Variants in SIPA1L3 observed in about 807,000 individuals in gnomAD.
The protein encoded by SIPA1L3 is signal induced proliferation associated 1 like 3.
In SIPA1L3, 59 loss-of-function variants were observed where a neutral mutation model predicts 150.1. The observed-to-expected ratio is 0.39, with a 90% CI of 0.32 to 0.49. The LOEUF (loss-of-function observed/expected upper bound fraction) is 0.49. SIPA1L3 is among the 20% of genes least tolerant of loss of function. The pLI is 0.86. For synonymous variants in SIPA1L3, 1,070 were observed against 1,077.6 expected, an observed-to-expected ratio of 0.99 and a Z score of 0.14; for missense variants, 2,211 against 2,489.5, an observed-to-expected ratio of 0.89 and a Z score of 2.38.
intron 21 of SIPA1L3, among the ~76,000 whole-genome samples, chr19:38,204,820 C>T (rs547728496): frequency 1.3e-5 from 2 of 152,078 alleles, no homozygotes; most frequent in Non-Finnish European, 2.9e-5. Flanking sequence ...GGAATTTATC[C>T]GTGACAGCAT....
chr19:38,106,570 T>C lies in SIPA1L3; in HGVS notation c.2063T>C (p.Met688Thr), dbSNP rs1458479210. 9.9e-6 allele frequency: 16 copies of C among 1,613,926 alleles called. No individual in the cohort carries two copies. Among genetic ancestry groups the C allele is most frequent in the Non-Finnish European group, 1.3e-5 (15 of 1,179,904 alleles). ...DSTGTHSLYT[M>T]YQDYEIMFHV... ...ACGGGAACCCACTCCCTCTACACGA[T>C]GTACCAGGACTACGAGATCATGTTC... Residue 688 changes from methionine (M) to threonine (T), a missense_variant, in exon 7 of 22, where the codon ATG (methionine) becomes ACG (threonine). Physicochemically the swap from Met to Thr is moderately conservative, Grantham distance 81. Coordinates refer to ENST00000222345, the MANE Select transcript of SIPA1L3 (RefSeq NM_015073.3).
intron 2 of SIPA1L3, among the ~76,000 whole-genome samples, chr19:38,049,133 A>C (rs1969128461): frequency 6.6e-6 from 1 of 151,672 alleles, no homozygotes; most frequent in South Asian, 2.1e-4. Flanking sequence ...GCTGCCAAAG[A>C]CTACTTGTCT....
intron 1 of SIPA1L3, among the ~76,000 whole-genome samples, chr19:37,981,365 A>G (rs1967196974): frequency 6.6e-6 from 1 of 150,974 alleles, no homozygotes; most frequent in Admixed American, 6.6e-5. Context: ...TCAAGGCTGC[A>G]GTGACCTATG....
At chr19:38,105,121 G>C (rs1047944674) in intron 6 of SIPA1L3, among the ~76,000 whole-genome samples, 1 of 151,948 alleles carries the variant, frequency 6.6e-6, no homozygotes, top group Non-Finnish European at 1.5e-5. Flanking sequence ...ACTTTGGGAG[G>C]CTGAGGCAGG....
intron 1 of SIPA1L3, among the ~76,000 whole-genome samples, chr19:38,007,652 G>A (rs899996071): frequency 5.3e-5 from 8 of 151,240 alleles, no homozygotes; most frequent in South Asian, 4.2e-4. Flanking sequence ...CTTAACTTAA[G>A]CATACCCTGT....
intron 1 of SIPA1L3, among the ~76,000 whole-genome samples, chr19:37,930,129 A>G (rs2046540617): frequency 6.7e-6 from 1 of 150,072 alleles, no homozygotes; most frequent in Non-Finnish European, 1.5e-5. Flanking sequence ...GGTTCAAGCG[A>G]TTCTCCTGCC....
chr19:37,971,017 A>C (rs936253004), intron 1 of SIPA1L3, among the ~76,000 whole-genome samples: 5 of 151,628 alleles, frequency 3.3e-5, no homozygotes, highest in African/African-American at 1.2e-4. Flanking sequence ...ATGTAAGAGG[A>C]GAGGTTATAC....
At chr19:38,028,779 A>G (rs958445843) in intron 1 of SIPA1L3, among the ~76,000 whole-genome samples, 2 of 140,846 alleles carry the variant, frequency 1.4e-5, no homozygotes, top group African/African-American at 5.4e-5. Context: ...TGCAACCTCC[A>G]CCTCCCGGGT....
At chr19:38,143,687 C>T (rs1246134146) in intron 12 of SIPA1L3, among the ~76,000 whole-genome samples, 5 of 151,740 alleles carry the variant, frequency 3.3e-5, no homozygotes, top group African/African-American at 1.2e-4. Context: ...TACAGGCTCT[C>T]GCCACCACGC....
chr19:38,174,715 TG>T (rs1972401981), intron 15 of SIPA1L3, among the ~76,000 whole-genome samples: 1 of 151,798 alleles, frequency 6.6e-6, no homozygotes, highest in African/African-American at 2.4e-5. Context: ...CCAGGTGTGG[TG>T]GCGGGTGCCA....
At chr19:37,924,414 CT>C (rs60960790) in intron 1 of SIPA1L3, among the ~76,000 whole-genome samples, 152 of 138,362 alleles carry the variant, frequency 1.1e-3, no homozygotes, top group Middle Eastern at 3.7e-3. Context: ...TGTTTTACAG[CT>C]TTTTTTTTTT....
intron 9 of SIPA1L3, 51 bp from the exon 10 acceptor site, chr19:38,130,447 A>G (rs1382614271): frequency 1.9e-6 from 3 of 1,562,498 alleles, no homozygotes; most frequent in Admixed American, 3.6e-5. Flanking sequence ...GGTCTTCCAG[A>G]GGAGCTGACC....
chr19:38,068,146 C>T (rs1019601686), intron 2 of SIPA1L3, among the ~76,000 whole-genome samples: 1 of 151,970 alleles, frequency 6.6e-6, no homozygotes. Context: ...CCTCAGCCTC[C>T]CGCGTAGCTG....
intron 2 of SIPA1L3, among the ~76,000 whole-genome samples, chr19:38,051,889 G>T (rs560435568): frequency 6.6e-6 from 1 of 152,154 alleles, no homozygotes; most frequent in African/African-American, 2.4e-5. Context: ...GAGCCACCAC[G>T]CCCCACTTGA....
chr19:38,139,471 C>T (rs745803642), intron 10 of SIPA1L3, among the ~76,000 whole-genome samples: 10 of 152,104 alleles, frequency 6.6e-5, no homozygotes, highest in Non-Finnish European at 1.5e-4. Context: ...GTGATAGTAC[C>T]TTTCCCCACC....
At chr19:38,092,721 C>A (rs1024444536) in intron 4 of SIPA1L3, among the ~76,000 whole-genome samples, 1 of 152,124 alleles carries the variant, frequency 6.6e-6, no homozygotes, top group African/African-American at 2.4e-5. Context: ...CAAAGATGCT[C>A]GTGAGACTGG....
rs397940843 is a variant in SIPA1L3, at chr19:37,973,560, A to AG, written c.-378-55523dup. Among the ~76,000 whole-genome samples, 6 of 94,976 alleles carry AG rather than the reference A, an allele frequency of 6.3e-5. 2 individuals are homozygous for AG. The highest frequency in any genetic ancestry group is 4.1e-4 in the South Asian group (1 of 2,464). 62.3% of individuals were successfully genotyped at this position (94,976 alleles called of 152,430 possible). On this transcript the variant is annotated intron_variant, in intron 1 of 21. Coordinates refer to ENST00000222345, the MANE Select transcript of SIPA1L3 (RefSeq NM_015073.3). ...AAAAAAAAAAAAAAAAAAAAGCGGGAGGGGGGCGCATCTTGAAGCACTAAA... is the reference window on the plus strand; with the variant it reads ...AAAAAAAAAAAAAAAAAAAAGCGGGAGGGGGGGCGCATCTTGAAGCACTAAA...
intron 1 of SIPA1L3, among the ~76,000 whole-genome samples, chr19:37,975,150 G>A (rs1352718894): frequency 1.3e-5 from 2 of 152,226 alleles, no homozygotes; most frequent in Non-Finnish European, 2.9e-5. Flanking sequence ...GCCTGGAGGG[G>A]ACGCAAGAGA....
At chr19:37,986,375 C>G (rs1967351296) in intron 1 of SIPA1L3, among the ~76,000 whole-genome samples, 1 of 152,236 alleles carries the variant, frequency 6.6e-6, no homozygotes, top group South Asian at 2.1e-4. Flanking sequence ...TCTCTTTCCT[C>G]TAGTTTCTTG....
Sources: allele counts gnomAD v4.1 joint callset (sites outside exome capture counted in the v4.1 genomes callset), GRCh38; gene constraint gnomAD v4.1.1; transcripts MANE v1.5; gene names NCBI Gene and HGNC (gene_info 2026-07-23, HGNC 2026-07-21).